NPSR1: variants seen among roughly 807,000 people sequenced by gnomAD.
The protein encoded by NPSR1 is neuropeptide S receptor 1, also known as neuropeptide S receptor.
NPSR1 carries 48 observed loss-of-function variants against 46.9 expected under a neutral mutation model. The observed-to-expected ratio is 1.02, with a 90% CI of 0.81 to 1.30. NPSR1 has a LOEUF of 1.30. Among genes scored for constraint, NPSR1 ranks in the 50% most tolerant of loss-of-function variants. NPSR1 has a pLI of 0.00. For missense variants in NPSR1, 450 were observed against 449.5 expected (o/e 1.00, Z -0.01); for synonymous variants, 176 against 168.1 (o/e 1.05, Z -0.36).
intron 2 of NPSR1, among the ~76,000 whole-genome samples, chr7:34,702,333 G>T (rs1793869968): frequency 6.6e-6 from 1 of 152,194 alleles, no homozygotes; most frequent in Admixed American, 6.5e-5. Flanking sequence ...GTGAAAAAAA[G>T]CCTGGGAAAT....
intron 3 of NPSR1, among the ~76,000 whole-genome samples, chr7:34,811,521 C>A (rs1260708275): frequency 6.6e-6 from 1 of 152,120 alleles, no homozygotes; most frequent in African/African-American, 2.4e-5. Flanking sequence ...ACAGGAATAC[C>A]TGTTCTCATT....
At chr7:34,703,752 T>C (rs1793965210) in intron 2 of NPSR1, 1 of 152,616 alleles carries the variant, frequency 6.6e-6, no homozygotes, top group Admixed American at 6.5e-5. Context: ...TCTAACAATT[T>C]TCTGGATGAA....
chr7:34,799,723 C>T (rs1257322180), intron 3 of NPSR1, among the ~76,000 whole-genome samples: 2 of 127,328 alleles, frequency 1.6e-5, no homozygotes, highest in Non-Finnish European at 3.2e-5. Context: ...ACAATATTAA[C>T]CTTAAATGTA....
downstream of NPSR1, among the ~76,000 whole-genome samples, chr7:34,850,435 C>G: frequency 7.4e-6 from 1 of 135,174 alleles, no homozygotes; most frequent in African/African-American, 2.9e-5. Context: ...GAGTCTCGCT[C>G]TGTCGCCCAG....
intron 8 of NPSR1, among the ~76,000 whole-genome samples, chr7:34,877,534 C>A (rs1791605965): frequency 6.6e-6 from 1 of 152,124 alleles, no homozygotes; most frequent in Non-Finnish European, 1.5e-5. Context: ...CTGGACGGAG[C>A]AATAGTGAGT....
chr7:34,867,560 C>T lies in NPSR1; in HGVS notation c.1026-10516C>T, dbSNP rs574711236. 4.7e-4 allele frequency among the ~76,000 whole-genome samples: 71 copies of T among 152,014 alleles called. 3 individuals are homozygous for T. The highest frequency in any genetic ancestry group is 1.7e-3 in the African/African-American group (69 of 41,254). On this transcript the variant is annotated intron_variant, in intron 8 of 8. Coordinates refer to the NPSR1 transcript ENST00000359791. ...TCAGAGGGCCCACTGGAAACACATCCAAGTCCCCGTGACTCACAACTGTCA... is the reference window on the plus strand; with the variant it reads ...TCAGAGGGCCCACTGGAAACACATCTAAGTCCCCGTGACTCACAACTGTCA...
At chr7:34,659,586 G>C (rs547759678) in intron 1 of NPSR1, among the ~76,000 whole-genome samples, 1 of 152,234 alleles carries the variant, frequency 6.6e-6, no homozygotes, top group Admixed American at 6.5e-5. Context: ...GCTGTCCCAG[G>C]AGTCAGACTT....
At chr7:34,809,587 C>G (rs376917045) in intron 3 of NPSR1, among the ~76,000 whole-genome samples, 2 of 151,660 alleles carry the variant, frequency 1.3e-5, no homozygotes, top group Admixed American at 6.6e-5. Context: ...CCTCAGCCTC[C>G]CGAGTAGCTG....
Position 34,849,552 on chromosome 7 carries a change from T to C in NPSR1, c.1026-13T>C. On this transcript the variant is annotated splice_polypyrimidine_tract_variant and intron_variant, in intron 8 of 8. Transcript: ENST00000360581. ...AATTATTTCCCTCCCTGCTTTATTT[T>C]GACTTTCTCCAGGGAGCAAAGATCA... The C allele has an allele frequency of 6.2e-7, 1 of 1,614,022 alleles. No individual in the cohort carries two copies. Among genetic ancestry groups the C allele is most frequent in the Non-Finnish European group, 8.5e-7 (1 of 1,179,836 alleles).
At chr7:34,675,161 T>G (rs1792254898) in intron 1 of NPSR1, among the ~76,000 whole-genome samples, 1 of 152,220 alleles carries the variant, frequency 6.6e-6, no homozygotes, top group South Asian at 2.1e-4. Context: ...CAGGTTGTTA[T>G]GGTTAAGTGA....
At chr7:34,859,990 A>G (rs1289251781) in intron 8 of NPSR1, among the ~76,000 whole-genome samples, 11 of 151,858 alleles carry the variant, frequency 7.2e-5, no homozygotes, top group Non-Finnish European at 1.6e-4. Flanking sequence ...CCTGAGTCCA[A>G]CTTTATTGCT....
intron 4 of NPSR1, among the ~76,000 whole-genome samples, chr7:34,816,130 TAA>T (rs1464365856): frequency 2.0e-5 from 3 of 150,146 alleles, no homozygotes; most frequent in Admixed American, 6.7e-5. Flanking sequence ...GCAAATTGGA[TAA>T]AGAGTCAGGA....
At chr7:34,734,414 C>T (rs1286428267) in intron 2 of NPSR1, among the ~76,000 whole-genome samples, 1 of 151,954 alleles carries the variant, frequency 6.6e-6, no homozygotes, top group African/African-American at 2.4e-5. Flanking sequence ...AATGGAGAAA[C>T]AGGCAGGCCT....
intron 4 of NPSR1, among the ~76,000 whole-genome samples, chr7:34,815,317 TG>T (rs2128752007): frequency 6.6e-6 from 1 of 152,066 alleles, no homozygotes; most frequent in African/African-American, 2.4e-5. Flanking sequence ...GAAGAAAGGG[TG>T]TCAGTGATTG....
chr7:34,703,325 C>T (rs1793939196), intron 2 of NPSR1, among the ~76,000 whole-genome samples: 1 of 152,120 alleles, frequency 6.6e-6, no homozygotes, highest in Admixed American at 6.5e-5. Context: ...GAGCCGAGAT[C>T]GCGCCACTGC....
At chr7:34,782,477 T>G (rs1469142213) in intron 3 of NPSR1, among the ~76,000 whole-genome samples, 5 of 152,130 alleles carry the variant, frequency 3.3e-5, no homozygotes, top group Non-Finnish European at 7.4e-5. Context: ...CTGAGGATCC[T>G]TATGATCTTT....
At chr7:34,726,120 A>C (rs1784138736) in intron 2 of NPSR1, among the ~76,000 whole-genome samples, 1 of 152,202 alleles carries the variant, frequency 6.6e-6, no homozygotes, top group South Asian at 2.1e-4. Context: ...ACAGACTAAT[A>C]CAACTATGGT....
intron 2 of NPSR1, among the ~76,000 whole-genome samples, chr7:34,772,350 C>T (rs1296970207): frequency 1.3e-5 from 2 of 152,126 alleles, no homozygotes; most frequent in East Asian, 3.9e-4. Flanking sequence ...CCCAAAGTTG[C>T]AGTTTCTTTT....
At chr7:34,738,349 T>G (rs1784781675) in intron 2 of NPSR1, among the ~76,000 whole-genome samples, 1 of 152,242 alleles carries the variant, frequency 6.6e-6, no homozygotes, top group Non-Finnish European at 1.5e-5. Context: ...TATTTTACAC[T>G]AACAGATTCC....
Sources: allele counts gnomAD v4.1 joint callset (sites outside exome capture counted in the v4.1 genomes callset), GRCh38; gene constraint gnomAD v4.1.1; transcripts MANE v1.5; gene names NCBI Gene and HGNC (gene_info 2026-07-23, HGNC 2026-07-21).